Variants in PRC1 observed in about 807,000 individuals in gnomAD.
The protein encoded by PRC1 is protein regulator of cytokinesis 1.
Under a neutral mutation model 91.2 loss-of-function variants are expected in PRC1, and 54 were observed. The ratio of observed to expected loss-of-function variants is 0.59; its 90% CI spans 0.48 to 0.74. The LOEUF (loss-of-function observed/expected upper bound fraction) is 0.74, where lower values mean the gene tolerates loss of function less well. Ranked by LOEUF, PRC1 falls within the 30% of genes least tolerant of loss-of-function variation. The pLI is 0.00. For synonymous variants in PRC1, 275 were observed against 263.6 expected, an observed-to-expected ratio of 1.04 and a Z score of -0.42; for missense variants, 727 against 746.2, an observed-to-expected ratio of 0.97 and a Z score of 0.30.
intron 3 of PRC1, 85 bp from the exon 4 acceptor site, chr15:90,982,066 G>T: frequency 8.0e-7 from 1 of 1,252,504 alleles, no homozygotes; most frequent in Non-Finnish European, 1.1e-6. Context: ...AGGCGTGGAT[G>T]ACAGACTTTC....
intron 1 of PRC1, among the ~76,000 whole-genome samples, chr15:90,994,097 C>CGCCCCGG (rs969475188): frequency 6.6e-6 from 1 of 152,022 alleles, no homozygotes; most frequent in Middle Eastern, 3.2e-3. Flanking sequence ...GGGTGGAGGC[C>CGCCCCGG]GCCCCGGGCC....
chr15:90,966,958 A>ATGAT lies in PRC1; in HGVS notation c.*169_*172dup. 1.6e-6 allele frequency: 1 copy of ATGAT among 632,596 alleles called. No homozygotes were observed. Among genetic ancestry groups the ATGAT allele is most frequent in the Non-Finnish European group, 2.8e-6 (1 of 357,440 alleles). The allele number at this position is 632,596 out of a possible 1,614,324, so 39.2% of individuals were successfully genotyped here. On this transcript the variant is annotated 3_prime_UTR_variant, in exon 15 of 15. Transcript: ENST00000394249. ...CAAGTCTCCTAGGACCACTAAACCT[A>ATGAT]TGATGGGCTTTCAACTGTAACACTC...
chr15:90,969,235 C>T (rs2037830515), intron 13 of PRC1, 115 bp from the exon 14 acceptor site: 1 of 1,279,262 alleles, frequency 7.8e-7, no homozygotes, highest in Admixed American at 2.0e-5. Flanking sequence ...CAGAAGGATC[C>T]AGGTTAAATG....
rs1555452594 is a variant in PRC1, at chr15:90,977,130, A to AAC, written c.1108-360_1108-359insGT. On this transcript the variant is annotated intron_variant, in intron 8 of 14. Coordinates refer to ENST00000394249, the MANE Select transcript of PRC1 (RefSeq NM_003981.4). ...ATGAGCGAGACGCTCAAAAAAAAAA[A>AAC]AAAAAAAAAAGTCAATTGTTAAAGC... The AAC allele has an allele frequency of 6.1e-3, 922 of 152,104 alleles. 15 individuals carry two copies. Among genetic ancestry groups the AAC allele is most frequent in the African/African-American group, 0.02 (831 of 40,706 alleles). 9.4% of individuals were successfully genotyped at this position (152,104 alleles called of 1,614,324 possible).
At chr15:90,990,777 T>TC (rs1491363625) in intron 1 of PRC1, among the ~76,000 whole-genome samples, 1 of 151,650 alleles carries the variant, frequency 6.6e-6, no homozygotes, top group Non-Finnish European at 1.5e-5. Context: ...ATTTTTGGTT[T>TC]CTTTTTTTTT....
chr15:90,974,265 C>G lies in PRC1; in HGVS notation c.1351-19G>C, dbSNP rs927658200. ...TCAGTTGCTGTGTGAAAGTCAGAAG[C>G]AACAGTGATAAATCTCAGGAAGAGA... On this transcript the variant is annotated intron_variant, in intron 10 of 14. Coordinates refer to ENST00000394249, the MANE Select transcript of PRC1 (RefSeq NM_003981.4). This position sits in a 1 kb window ranked among gnomAD's most constrained non-coding sequence, Gnocchi z 4.6. The G allele has an allele frequency of 3.1e-6, 5 of 1,592,548 alleles. No homozygotes were observed. The highest frequency in any genetic ancestry group is 4.3e-6 in the Non-Finnish European group (5 of 1,160,754).
Position 90,974,821 on chromosome 15 carries a change from C to T in PRC1, c.1204-90G>A, listed in dbSNP as rs2038529627. ...ATTTCCCTAGAGAGTGACTCCTCCT[C>T]CCCAGAGCATCATTAGCCTCATTTC... is the stretch of plus-strand genomic sequence containing the variant. On this transcript the variant is annotated intron_variant, in intron 9 of 14. Coordinates refer to ENST00000394249, the MANE Select transcript of PRC1 (RefSeq NM_003981.4). This position sits in a 1 kb window ranked among gnomAD's most constrained non-coding sequence, Gnocchi z 4.6. The T allele has an allele frequency of 6.8e-7, 1 of 1,467,122 alleles. No individual in the cohort carries two copies. The highest frequency in any genetic ancestry group is 1.4e-5 in the African/African-American group (1 of 72,112). 90.9% of individuals were successfully genotyped at this position (1,467,122 alleles called of 1,614,324 possible).
chr15:90,983,336 C>T (rs1206050603), intron 3 of PRC1, among the ~76,000 whole-genome samples: 2 of 152,308 alleles, frequency 1.3e-5, no homozygotes, highest in East Asian at 3.9e-4. Context: ...AGCTCCACAT[C>T]TGTCCTAATT....
At position 90,984,651 on chromosome 15, in the gene PRC1, C is replaced by T; in HGVS notation, c.144+42G>A. 1 of 1,611,082 alleles carries T rather than the reference C, an allele frequency of 6.2e-7. No individual in the cohort carries two copies. The highest frequency in any genetic ancestry group is 8.5e-7 in the Non-Finnish European group (1 of 1,178,240). ...CTATCTCGGGTGAGACACCAACATC[C>T]TTACCCTGGTCCAATGCAGAGACCA... On this transcript the variant is annotated intron_variant, in intron 2 of 14. Transcript: ENST00000394249. This position sits in a 1 kb window ranked among gnomAD's most constrained non-coding sequence, Gnocchi z 5.1.
intron 8 of PRC1, among the ~76,000 whole-genome samples, chr15:90,978,393 G>T (rs2038908712): frequency 2.0e-5 from 3 of 151,128 alleles, no homozygotes; most frequent in Admixed American, 2.0e-4. Flanking sequence ...AAGAGAGCCG[G>T]GAAGAGCTCT....
At position 90,974,199 on chromosome 15, in the gene PRC1, G is replaced by A. The variant is rs747126769; in HGVS notation, c.1398C>T (p.Ser466=). Residue 466 remains serine, a synonymous_variant, in exon 11 of 15, where the codon AGC becomes AGT. Transcript: ENST00000394249. The surrounding 1 kb of genome is among the most constrained non-coding windows in gnomAD (Gnocchi z 4.6). ...KQTETEMLYG[S]APRTPSKRRG... is the part of the protein sequence containing the mutation. ...GCCGCTTGCTAGGTGTTCGAGGAGC[G>A]CTGCCATACAGCATCTCTGTCTCTG... 7 of 1,614,178 alleles carry A rather than the reference G, an allele frequency of 4.3e-6. No homozygotes were observed. The highest frequency in any genetic ancestry group is 1.7e-5 in the Admixed American group (1 of 60,018).
intron 1 of PRC1, among the ~76,000 whole-genome samples, chr15:90,990,650 C>A (rs1389502416): frequency 6.6e-6 from 1 of 152,056 alleles, no homozygotes; most frequent in Non-Finnish European, 1.5e-5. Context: ...GATGATTGCA[C>A]AACTCTGAAT....
At chr15:90,991,028 C>T (rs1034430959) in intron 1 of PRC1, among the ~76,000 whole-genome samples, 9 of 151,732 alleles carry the variant, frequency 5.9e-5, no homozygotes, top group Middle Eastern at 3.4e-3. Flanking sequence ...CCGACCGCCT[C>T]GGCCTCCCAA....
chr15:90,977,136 A>AAAAAGT (rs2038789386), intron 8 of PRC1: 1 of 153,084 alleles, frequency 6.5e-6, no homozygotes, highest in South Asian at 2.1e-4. Context: ...AAAAAAAAAA[A>AAAAAGT]AAAAGTCAAT....
intron 14 of PRC1, chr15:90,968,589 C>T (rs906212678): frequency 2.0e-6 from 2 of 991,546 alleles, no homozygotes; most frequent in African/African-American, 3.5e-5. Context: ...TTCAGTAGCT[C>T]AATGTATGGA....
At chr15:90,991,943 G>GC (rs1288821520) in intron 1 of PRC1, among the ~76,000 whole-genome samples, 1 of 152,200 alleles carries the variant, frequency 6.6e-6, no homozygotes, top group African/African-American at 2.4e-5. Flanking sequence ...GACCTATGGA[G>GC]CCCCATTCCA....
rs2039430286 is a variant in PRC1 at position 90,984,355 on chromosome 15, A to T, written c.145-215T>A. ...TAGATTCTCCTGTCTCAGCCTCTTG[A>T]GTAGCTGGGATTACAGGTGCTCACC... On this transcript the variant is annotated intron_variant, in intron 2 of 14. Transcript: ENST00000394249. This position sits in a 1 kb window ranked among gnomAD's most constrained non-coding sequence, Gnocchi z 5.1. 6.6e-6 allele frequency among the ~76,000 whole-genome samples: 1 copy of T among 151,990 alleles called. No homozygotes were observed. Among genetic ancestry groups the T allele is most frequent in the Non-Finnish European group, 1.5e-5 (1 of 68,010 alleles).
In PRC1 at chr15:90,969,594, C is replaced by A; in HGVS notation, c.1602G>T (p.Lys534Asn). The A allele has an allele frequency of 6.2e-7, 1 of 1,608,974 alleles. No individual in the cohort carries two copies. The highest frequency in any genetic ancestry group is 8.5e-7 in the Non-Finnish European group (1 of 1,177,590). ...KPVAASTCSG[K>N]KTPRTGRHGA... ...CATGCCTGCCAGTACGGGGTGTTTT[C>A]TTCCCTGAACAGGTGGAAGCAGCGA... The change falls in exon 13 of 15, where the codon AAG becomes AAT. Residue 534 changes from lysine (K) to asparagine (N), a missense_variant. By Grantham distance (94) the Lys-to-Asn change is moderately conservative (BLOSUM62 0). Coordinates refer to ENST00000394249, the MANE Select transcript of PRC1 (RefSeq NM_003981.4).
At chr15:90,991,524 C>T (rs1264901240) in intron 1 of PRC1, among the ~76,000 whole-genome samples, 1 of 152,026 alleles carries the variant, frequency 6.6e-6, no homozygotes, top group Non-Finnish European at 1.5e-5. Context: ...TATTATTATT[C>T]TAGTTAGAGA....
Sources: gnomAD v4.1 joint callset for allele counts (sites outside exome capture counted in the v4.1 genomes callset) on GRCh38, gnomAD v4.1.1 for gene constraint, Gnocchi (gnomAD v3.1) non-coding constraint, MANE v1.5 for transcripts, NCBI Gene and HGNC (gene_info 2026-07-23, HGNC 2026-07-21) for gene names.